The following PRRC2B variants were observed in gnomAD, a reference collection of about 807,000 sequenced individuals.
PRRC2B encodes protein PRRC2B.
Under a neutral mutation model 242.3 loss-of-function variants are expected in PRRC2B, and 68 were observed. The ratio of observed to expected loss-of-function variants is 0.28; its 90% CI spans 0.23 to 0.34. PRRC2B has a LOEUF of 0.34. Among genes scored for constraint, PRRC2B ranks in the 10% least tolerant of loss-of-function variants. The pLI, the probability that PRRC2B is intolerant of heterozygous loss-of-function variation, is 1.00. For missense variants in PRRC2B, 2,835 were observed against 2,954.8 expected (o/e 0.96, Z 0.94); for synonymous variants, 1,228 against 1,173.6 (o/e 1.05, Z -0.95).
At chr9:131,377,752 GTTTA>G (rs1184201185) in intron 1 of PRRC2B, among the ~76,000 whole-genome samples, 2 of 152,004 alleles carry the variant, frequency 1.3e-5, no homozygotes, top group African/African-American at 2.4e-5. Context: ...TCTCTGTTTT[GTTTA>G]TTTGTTTGTT....
chr9:131,383,959 C>T (rs927467364), intron 1 of PRRC2B, among the ~76,000 whole-genome samples: 1 of 151,908 alleles, frequency 6.6e-6, no homozygotes, highest in African/African-American at 2.4e-5. Context: ...TGCTCTGTCA[C>T]CCAGGTTGGA....
intron 2 of PRRC2B, 71 bp from the exon 3 acceptor site, chr9:131,432,546 T>C (rs1359721202): frequency 7.2e-6 from 10 of 1,395,604 alleles, no homozygotes; most frequent in South Asian, 2.6e-5. Context: ...AAAGAACAGC[T>C]GAATGCATCA....
intron 1 of PRRC2B, among the ~76,000 whole-genome samples, chr9:131,388,700 T>C (rs965645335): frequency 2.0e-5 from 3 of 149,234 alleles, no homozygotes; most frequent in African/African-American, 7.3e-5. Context: ...CACGCCACTA[T>C]GCTCAGCTAA....
chr9:131,408,329 T>TA (rs1837421884), intron 1 of PRRC2B, among the ~76,000 whole-genome samples: 1 of 152,198 alleles, frequency 6.6e-6, no homozygotes, highest in Non-Finnish European at 1.5e-5. Context: ...CCCCAGCATG[T>TA]AAAGATACAT....
chr9:131,395,552 G>A (rs1372640350), intron 1 of PRRC2B, among the ~76,000 whole-genome samples: 7 of 152,202 alleles, frequency 4.6e-5, no homozygotes, highest in Admixed American at 1.3e-4. Flanking sequence ...CACCTGGCAG[G>A]TTTGGGCAGC....
intron 5 of PRRC2B, among the ~76,000 whole-genome samples, 154 bp downstream of exon 5, chr9:131,439,215 C>T (rs1319348127): frequency 2.0e-5 from 3 of 152,182 alleles, no homozygotes; most frequent in Admixed American, 1.3e-4. Flanking sequence ...CTGTGCACAG[C>T]GGGCGCTGAC....
At chr9:131,387,190 G>A (rs986790027) in intron 1 of PRRC2B, among the ~76,000 whole-genome samples, 3 of 150,054 alleles carry the variant, frequency 2.0e-5, no homozygotes, top group African/African-American at 7.3e-5. Context: ...TAGTAGAGAC[G>A]GGATTTCTCC....
At chr9:131,447,837 C>T (rs747349242) in intron 9 of PRRC2B, 33 bp downstream of exon 9, 5 of 1,594,858 alleles carry the variant, frequency 3.1e-6, no homozygotes, top group Non-Finnish European at 4.3e-6. Flanking sequence ...TTTAGACGGG[C>T]AGGACCAAAG....
At chr9:131,437,379 T>A (rs1221266440) in intron 4 of PRRC2B, among the ~76,000 whole-genome samples, 1 of 152,236 alleles carries the variant, frequency 6.6e-6, no homozygotes, top group Non-Finnish European at 1.5e-5. Context: ...AAGCAGAAAG[T>A]AATGATTTCA....
intron 2 of PRRC2B, among the ~76,000 whole-genome samples, chr9:131,431,735 C>T (rs1371965537): frequency 6.6e-6 from 1 of 151,350 alleles, no homozygotes; most frequent in Non-Finnish European, 1.5e-5. Flanking sequence ...TACAGGCGCC[C>T]GCCATCACTC....
chr9:131,424,386 T>G (rs1837927762), intron 1 of PRRC2B, among the ~76,000 whole-genome samples: 1 of 151,896 alleles, frequency 6.6e-6, no homozygotes, highest in Non-Finnish European at 1.5e-5. Flanking sequence ...CAAAACTTGG[T>G]TAAAAGGTTG....
chr9:131,444,205 C>G lies in PRRC2B; in HGVS notation c.490C>G (p.Leu164Val). ...HEGGLRGSSR[L>V]LSFSPEEFPT... ...GACAGGTTTAAGGGGCTCAAGCCGA[C>G]TGTTATCCTTCTCTCCCGAGGAATT... The change falls in exon 6 of 32, where the codon CTG (leucine) becomes GTG (valine). Residue 164 changes from leucine (L) to valine (V), a missense_variant. Coordinates refer to ENST00000683519, the MANE Select transcript of PRRC2B (RefSeq NM_013318.4). The G allele has an allele frequency of 6.2e-7, 1 of 1,614,028 alleles. No individual in the cohort carries two copies. The highest frequency in any genetic ancestry group is 8.5e-7 in the Non-Finnish European group (1 of 1,179,894).
intron 1 of PRRC2B, among the ~76,000 whole-genome samples, chr9:131,428,327 C>T (rs536945017): frequency 1.3e-5 from 2 of 150,676 alleles, no homozygotes; most frequent in South Asian, 4.2e-4. Flanking sequence ...CTCAAGTGAT[C>T]CTCCTGCCTC....
At chr9:131,488,133 T>G (rs1178210614) in intron 28 of PRRC2B, 37 bp downstream of exon 28, 2 of 1,588,924 alleles carry the variant, frequency 1.3e-6, no homozygotes, top group East Asian at 4.5e-5. Context: ...AGCCCTAGGC[T>G]TCTTTCCTTC....
At chr9:131,459,120 T>C (rs762365694) in intron 10 of PRRC2B, 44 bp from the exon 11 acceptor site, 1 of 1,581,060 alleles carries the variant, frequency 6.3e-7, no homozygotes, top group Admixed American at 1.7e-5. Flanking sequence ...CAGAAATGCT[T>C]GGCCTGAGTG....
At chr9:131,448,309 G>C (rs1838872024) in intron 9 of PRRC2B, 1 of 152,134 alleles carries the variant, frequency 6.6e-6, no homozygotes, top group African/African-American at 2.4e-5. Context: ...CCTTTGGAAG[G>C]CTGAGGTGGG....
At chr9:131,493,001 C>T (rs1944238832) in intron 30 of PRRC2B, among the ~76,000 whole-genome samples, 1 of 152,202 alleles carries the variant, frequency 6.6e-6, no homozygotes, top group South Asian at 2.1e-4. Context: ...ACCCATGGTG[C>T]CCTGTGAGGT....
intron 1 of PRRC2B, among the ~76,000 whole-genome samples, chr9:131,377,840 C>T (rs942038994): frequency 6.6e-6 from 1 of 152,188 alleles, no homozygotes; most frequent in Admixed American, 6.6e-5. Flanking sequence ...CCTGCAGCCT[C>T]AATTTCTTGG....
Position 131,489,110 on chromosome 9 carries a change from A to G in PRRC2B, c.6225+1014A>G, listed in dbSNP as rs577282102. 1.7e-3 allele frequency among the ~76,000 whole-genome samples: 252 copies of G among 147,056 alleles called. 1 individual carries two copies. Among genetic ancestry groups the G allele is most frequent in the Admixed American group, 2.9e-3 (43 of 14,830 alleles). On this transcript the variant is annotated intron_variant, in intron 28 of 31. Transcript: ENST00000683519. Reference sequence around the variant, plus strand: ...TAGCTGTGGCTCTCGCATAATCTCAACTCTCAGTGTCCCTCTCAGTTGTCA... The same window carrying G: ...TAGCTGTGGCTCTCGCATAATCTCAGCTCTCAGTGTCCCTCTCAGTTGTCA...
Sources: gnomAD v4.1 joint callset for allele counts (sites outside exome capture counted in the v4.1 genomes callset) on GRCh38, gnomAD v4.1.1 for gene constraint, MANE v1.5 for transcripts, NCBI Gene and HGNC (gene_info 2026-07-23, HGNC 2026-07-21) for gene names.